CHCHD3: variants seen among roughly 807,000 people sequenced by gnomAD.
CHCHD3 encodes coiled-coil-helix-coiled-coil-helix domain containing 3.
In CHCHD3, 20 loss-of-function variants were observed where a neutral mutation model predicts 38.2. The ratio of observed to expected loss-of-function variants is 0.52; its 90% confidence interval spans 0.37 to 0.76. The LOEUF is 0.76. CHCHD3 is among the 30% of genes least tolerant of loss of function. CHCHD3 has a pLI of 0.00. For synonymous variants in CHCHD3, 82 were observed against 100.0 expected (o/e 0.82, Z 1.07); for missense variants, 245 against 279.2 (o/e 0.88, Z 0.87).
intron 3 of CHCHD3, among the ~76,000 whole-genome samples, chr7:133,012,278 C>T (rs1451269940): frequency 6.6e-6 from 1 of 152,150 alleles, no homozygotes; most frequent in Non-Finnish European, 1.5e-5. Context: ...CCTATTACAG[C>T]TAAATCTACA....
chr7:132,924,420 A>G (rs991510753), intron 4 of CHCHD3, among the ~76,000 whole-genome samples: 6 of 152,206 alleles, frequency 3.9e-5, no homozygotes, highest in Non-Finnish European at 7.3e-5. Context: ...TCTCACAGTT[A>G]AAGTCCAATT....
At chr7:132,984,898 T>TC (rs1812051475) in intron 3 of CHCHD3, among the ~76,000 whole-genome samples, 1 of 84,546 alleles carries the variant, frequency 1.2e-5, no homozygotes, top group African/African-American at 4.7e-5. Context: ...GGGAGGGAGG[T>TC]GGGGGGGTCA....
chr7:132,973,286 C>T, intron 4 of CHCHD3: 1 of 985,418 alleles, frequency 1.0e-6, no homozygotes, highest in Non-Finnish European at 1.2e-6. Context: ...TGCTCTCGTA[C>T]CTTCCTCAAA....
At chr7:132,844,969 A>C (rs763126661) in intron 5 of CHCHD3, 18 of 152,216 alleles carry the variant, frequency 1.2e-4, no homozygotes, top group Non-Finnish European at 2.1e-4. Flanking sequence ...CTGTGTGGGG[A>C]GACTGAATGC....
intron 6 of CHCHD3, among the ~76,000 whole-genome samples, chr7:132,819,573 C>T (rs1807291673): frequency 6.6e-6 from 1 of 152,162 alleles, no homozygotes; most frequent in Non-Finnish European, 1.5e-5. Context: ...CAAGCTGGCT[C>T]AGATACAGCT....
chr7:132,955,226 G>C (rs1192568883), intron 4 of CHCHD3, among the ~76,000 whole-genome samples: 28 of 140,828 alleles, frequency 2.0e-4, no homozygotes, highest in African/African-American at 7.2e-4. Flanking sequence ...TGCGGGGTGG[G>C]CTGGAAGACA....
Position 132,897,373 on chromosome 7 carries a change from A to G in CHCHD3, c.370-11628T>C, listed in dbSNP as rs964550439. Among the ~76,000 whole-genome samples the G allele has an allele frequency of 5.5e-5, 8 of 146,272 alleles. No homozygotes were observed. In the East Asian group the frequency reaches 1.4e-3, roughly 25 times the overall value. On this transcript the variant is annotated intron_variant, in intron 4 of 7. Coordinates refer to ENST00000262570, the MANE Select transcript of CHCHD3 (RefSeq NM_017812.4). ...TCTTTGTACTAACTTGTATTTGTTCAATTTAAATTTAGACTTAATGTTCAC... is the reference window on the plus strand; with the variant it reads ...TCTTTGTACTAACTTGTATTTGTTCGATTTAAATTTAGACTTAATGTTCAC...
At chr7:132,844,191 G>A (rs1173757154) in intron 5 of CHCHD3, among the ~76,000 whole-genome samples, 3 of 152,248 alleles carry the variant, frequency 2.0e-5, no homozygotes, top group East Asian at 3.9e-4. Flanking sequence ...CCTGCTACTC[G>A]GCTGGCTGAG....
intron 4 of CHCHD3, among the ~76,000 whole-genome samples, chr7:132,893,124 T>C (rs1809409356): frequency 6.6e-6 from 1 of 152,176 alleles, no homozygotes; most frequent in South Asian, 2.1e-4. Context: ...AGGCACTCAA[T>C]GCCAGCCCAT....
chr7:132,889,251 T>C (rs1809301423), intron 4 of CHCHD3, among the ~76,000 whole-genome samples: 1 of 152,072 alleles, frequency 6.6e-6, no homozygotes, highest in Admixed American at 6.6e-5. Context: ...CCCCATTCAA[T>C]GTATGGCATT....
intron 4 of CHCHD3, among the ~76,000 whole-genome samples, chr7:132,896,916 CTG>C (rs1809514676): frequency 6.6e-6 from 1 of 152,150 alleles, no homozygotes. Context: ...TTCTATAAAA[CTG>C]TGTGATTATA....
intron 4 of CHCHD3, among the ~76,000 whole-genome samples, chr7:132,953,206 C>G (rs145111177): frequency 6.6e-6 from 1 of 152,288 alleles, no homozygotes; most frequent in East Asian, 1.9e-4. Flanking sequence ...ATAACCTTCT[C>G]CAATGCTGTG....
At chr7:133,012,112 G>A (rs902799432) in intron 3 of CHCHD3, among the ~76,000 whole-genome samples, 3 of 152,078 alleles carry the variant, frequency 2.0e-5, no homozygotes, top group African/African-American at 7.2e-5. Context: ...GTAGTTTGAG[G>A]AGAGAGCTTT....
intron 3 of CHCHD3, among the ~76,000 whole-genome samples, chr7:132,994,945 T>C (rs967708393): frequency 1.3e-5 from 2 of 152,204 alleles, no homozygotes; most frequent in Non-Finnish European, 1.5e-5. Context: ...CAGCAATCAA[T>C]TTCATGCCTC....
intron 6 of CHCHD3, among the ~76,000 whole-genome samples, chr7:132,801,709 G>C (rs899873160): frequency 6.6e-6 from 1 of 152,198 alleles, no homozygotes; most frequent in African/African-American, 2.4e-5. Flanking sequence ...TACAGCTTGG[G>C]CTTTAAAAGA....
chr7:132,847,891 A>G (rs955447952), intron 5 of CHCHD3, among the ~76,000 whole-genome samples: 2 of 152,220 alleles, frequency 1.3e-5, no homozygotes, highest in African/African-American at 2.4e-5. Flanking sequence ...AGAATGCTTC[A>G]TATGGAGATT....
intron 5 of CHCHD3, among the ~76,000 whole-genome samples, chr7:132,884,181 C>T (rs1257059589): frequency 6.6e-6 from 1 of 152,114 alleles, no homozygotes; most frequent in East Asian, 1.9e-4. Flanking sequence ...CCTTCCCAAA[C>T]ATGCCAAGTT....
chr7:132,905,452 G>A (rs1175560392), intron 4 of CHCHD3, among the ~76,000 whole-genome samples: 1 of 152,078 alleles, frequency 6.6e-6, no homozygotes, highest in African/African-American at 2.4e-5. Flanking sequence ...CTGCTGGGGG[G>A]CTGTCGGGAG....
At chr7:132,964,963 A>G (rs1359030405) in intron 4 of CHCHD3, among the ~76,000 whole-genome samples, 2 of 152,204 alleles carry the variant, frequency 1.3e-5, no homozygotes, top group African/African-American at 2.4e-5. Context: ...ATGATTGTGC[A>G]TACATTATTT....
Sources: allele counts gnomAD v4.1 joint callset (sites outside exome capture counted in the v4.1 genomes callset), GRCh38; gene constraint gnomAD v4.1.1; transcripts MANE v1.5; gene names NCBI Gene and HGNC (gene_info 2026-07-23, HGNC 2026-07-21).